Variants in DAPK2 observed in about 807,000 individuals in gnomAD.
DAPK2 encodes death associated protein kinase 2.
In DAPK2, 35 loss-of-function variants were observed where a neutral mutation model predicts 44.1. The ratio of observed to expected loss-of-function variants is 0.79; its 90% CI spans 0.61 to 1.05. The LOEUF (loss-of-function observed/expected upper bound fraction) is 1.05. DAPK2 is among the 50% of genes least tolerant of loss of function. The pLI is 0.00. For missense variants in DAPK2, 453 were observed against 483.2 expected (o/e 0.94, Z 0.59); for synonymous variants, 174 against 182.6 (o/e 0.95, Z 0.38).
intron 3 of DAPK2, among the ~76,000 whole-genome samples, chr15:63,962,761 A>G (rs2077946270): frequency 6.6e-6 from 1 of 152,172 alleles, no homozygotes. Flanking sequence ...GTCAGCCCCT[A>G]TTGGGAGGTG....
At chr15:64,015,700 G>C (rs899841085) in intron 1 of DAPK2, among the ~76,000 whole-genome samples, 3 of 152,196 alleles carry the variant, frequency 2.0e-5, no homozygotes, top group African/African-American at 2.4e-5. Context: ...GAGGCAGGCA[G>C]AGATTAGACA....
intron 8 of DAPK2, among the ~76,000 whole-genome samples, chr15:63,915,488 A>C (rs1450032511): frequency 6.6e-6 from 1 of 152,154 alleles, no homozygotes; most frequent in Non-Finnish European, 1.5e-5. Flanking sequence ...TCTGGGGGAG[A>C]AGAGATTTCT....
intron 1 of DAPK2, among the ~76,000 whole-genome samples, chr15:63,989,053 G>C (rs574800163): frequency 3.3e-5 from 5 of 151,730 alleles, no homozygotes; most frequent in African/African-American, 1.2e-4. Flanking sequence ...GGTGGTGCAA[G>C]CCTGTAATCC....
chr15:63,925,595 C>A (rs975771803), intron 7 of DAPK2, among the ~76,000 whole-genome samples: 4 of 151,558 alleles, frequency 2.6e-5, no homozygotes, highest in Non-Finnish European at 4.4e-5. Context: ...GCCACTTAAA[C>A]TTTTCAAATC....
rs756745075 is a variant in DAPK2 at position 63,923,201 on chromosome 15, C to G, written c.858+1615G>C. On this transcript the variant is annotated intron_variant, in intron 8 of 10. Transcript: ENST00000261891. This position sits in a 1 kb window ranked among gnomAD's most constrained non-coding sequence, Gnocchi z 4.2. ...GACCCGAGCCACGTCTTCCACCACA[C>G]AGGCAAAACGCTCGAAGTTGACATA... is the stretch of plus-strand genomic sequence containing the variant. 13 of 1,535,816 alleles carry G rather than the reference C, an allele frequency of 8.5e-6. No homozygotes were observed. The African/African-American group carries it at 1.8e-4, about 21-fold the overall frequency.
intron 2 of DAPK2, among the ~76,000 whole-genome samples, chr15:63,982,720 T>C (rs1458854001): frequency 1.3e-5 from 2 of 152,230 alleles, no homozygotes; most frequent in Admixed American, 6.5e-5. Flanking sequence ...CATAGCTGTC[T>C]GCACAGGCCG....
chr15:63,956,577 G>T (rs575438381), intron 3 of DAPK2, among the ~76,000 whole-genome samples: 5 of 151,456 alleles, frequency 3.3e-5, no homozygotes. Flanking sequence ...TACTTGATAT[G>T]ATTTCAATTT....
At chr15:63,933,941 A>G (rs1179165368) in intron 4 of DAPK2, among the ~76,000 whole-genome samples, 3 of 151,876 alleles carry the variant, frequency 2.0e-5, no homozygotes, top group Non-Finnish European at 4.4e-5. Flanking sequence ...AGCAGAACTC[A>G]CTTTCTCATG....
rs958427717 is a variant in DAPK2, at chr15:63,980,242, G to A, written c.314+3291C>T. Among the ~76,000 whole-genome samples, 3 of 152,186 alleles carry A rather than the reference G, an allele frequency of 2.0e-5. No individual in the cohort carries two copies. The highest frequency in any genetic ancestry group is 7.2e-5 in the African/African-American group (3 of 41,432). The stretch of plus-strand genomic sequence containing the variant: ...ACATAACTGGCTGACCATGAGCCCT[G>A]TTGGGAAAAACACAGACATCTCAAG... On this transcript the variant is annotated intron_variant, in intron 2 of 10. Coordinates refer to ENST00000261891, the Ensembl canonical transcript of DAPK2. This position sits in a 1 kb window ranked among gnomAD's most constrained non-coding sequence, Gnocchi z 4.3.
chr15:63,924,715 C>T lies in DAPK2; in HGVS notation c.858+101G>A, dbSNP rs545347321. 44 of 1,348,712 alleles carry T rather than the reference C, an allele frequency of 3.3e-5. No homozygotes were observed. In the Middle Eastern group the frequency reaches 6.9e-4, roughly 21 times the overall value. 83.5% of individuals were successfully genotyped at this position (1,348,712 alleles called of 1,614,324 possible). On this transcript the variant is annotated intron_variant, in intron 8 of 10. Transcript: ENST00000261891. ...CTGTGCCCAGGGTCAGTGTTTAAAG[C>T]AAAGGCCTCTCCATGGGCCCTCTGC...
chr15:64,014,231 G>C (rs1296288896), intron 1 of DAPK2, among the ~76,000 whole-genome samples: 3 of 152,224 alleles, frequency 2.0e-5, no homozygotes, highest in Non-Finnish European at 4.4e-5. Context: ...ACCAGGATCA[G>C]GGAATGGGAT....
At chr15:63,933,356 G>GCC (rs1480286764) in intron 4 of DAPK2, among the ~76,000 whole-genome samples, 1 of 152,054 alleles carries the variant, frequency 6.6e-6, no homozygotes, top group Non-Finnish European at 1.5e-5. Context: ...TGATTCTCCT[G>GCC]CCTCAGCCTC....
intron 1 of DAPK2, among the ~76,000 whole-genome samples, chr15:64,039,376 G>A (rs187803739): frequency 1.3e-5 from 2 of 152,290 alleles, no homozygotes; most frequent in Non-Finnish European, 2.9e-5. Context: ...TCAGAACCTT[G>A]GCTATGTCAC....
At chr15:64,031,289 G>A (rs1360911979) in intron 1 of DAPK2, among the ~76,000 whole-genome samples, 1 of 151,482 alleles carries the variant, frequency 6.6e-6, no homozygotes, top group Non-Finnish European at 1.5e-5. Context: ...CAGGAGTGTA[G>A]TGGTGCAATC....
upstream of DAPK2, among the ~76,000 whole-genome samples, chr15:64,042,250 C>T (rs1224254846): frequency 6.6e-6 from 1 of 152,096 alleles, no homozygotes; most frequent in Non-Finnish European, 1.5e-5. This position sits in a 1 kb window ranked among gnomAD's most constrained non-coding sequence, Gnocchi z 4.7. Context: ...TTAGCTTGAC[C>T]ATAATCAGAA....
chr15:63,949,008 T>A (rs1280741165), intron 3 of DAPK2, among the ~76,000 whole-genome samples: 3 of 152,108 alleles, frequency 2.0e-5, no homozygotes, highest in African/African-American at 7.2e-5. Context: ...CCACATGGCC[T>A]CCCCTCCTCT....
Position 63,930,459 on chromosome 15 carries a change from AAAG to A in DAPK2, c.584-7_584-5del, listed in dbSNP as rs774761079. 5 of 1,614,170 alleles carry A rather than the reference AAAG, an allele frequency of 3.1e-6. No homozygotes were observed. The highest frequency in any genetic ancestry group is 4.2e-6 in the Non-Finnish European group (5 of 1,179,992). The stretch of plus-strand genomic sequence containing the variant: ...TCGTAGTTCACAATTTCTGGAGCTG[AAAG>A]AAGTCATATTAAATAGTCAACATGA... On this transcript the variant is annotated splice_region_variant and splice_polypyrimidine_tract_variant and intron_variant, in intron 4 of 10. Transcript: ENST00000261891.
At chr15:64,043,658 G>A (rs1010350722), upstream of DAPK2, among the ~76,000 whole-genome samples, 2 of 152,228 alleles carry the variant, frequency 1.3e-5, no homozygotes, top group African/African-American at 4.8e-5. Flanking sequence ...CCTGATCTGG[G>A]TGGTAGTTAG....
intron 2 of DAPK2, among the ~76,000 whole-genome samples, chr15:63,976,986 A>G (rs1292633826): frequency 6.6e-6 from 1 of 152,208 alleles, no homozygotes; most frequent in African/African-American, 2.4e-5. Context: ...AATACAGGGA[A>G]CAGAGGAATG....
Sources: gnomAD v4.1 joint callset for allele counts (sites outside exome capture counted in the v4.1 genomes callset) on GRCh38, gnomAD v4.1.1 for gene constraint, Gnocchi (gnomAD v3.1) non-coding constraint, MANE v1.5 for transcripts, NCBI Gene and HGNC (gene_info 2026-07-23, HGNC 2026-07-21) for gene names.